RELN: variants seen among roughly 807,000 people sequenced by gnomAD.
RELN encodes reelin.
A neutral mutation model predicts 427.6 loss-of-function variants in RELN; 108 were observed. The ratio of observed to expected loss-of-function variants is 0.25; its 90% CI spans 0.22 to 0.30. The LOEUF is 0.30. RELN is among the 10% of genes least tolerant of loss of function. RELN has a pLI of 1.00. For synonymous variants in RELN, 1,524 were observed against 1,513.4 expected, an observed-to-expected ratio of 1.01 and a Z score of -0.16; for missense variants, 3,715 against 4,302.8, an observed-to-expected ratio of 0.86 and a Z score of 3.82.
chr7:103,950,221 A>G (rs1209806139), intron 1 of RELN, among the ~76,000 whole-genome samples: 1 of 152,190 alleles, frequency 6.6e-6, no homozygotes, highest in Admixed American at 6.5e-5. Flanking sequence ...TCATGGCTCA[A>G]AGGCCCTACT....
chr7:103,825,762 C>T (rs264368), intron 3 of RELN, among the ~76,000 whole-genome samples: 74,179 of 151,812 alleles, frequency 0.49, 18,415 homozygotes, highest in Admixed American at 0.58. Flanking sequence ...GTGGCTGGTA[C>T]AACTGAGGAA....
chr7:103,504,834 A>G (rs1475102672), intron 51 of RELN, among the ~76,000 whole-genome samples: 1 of 152,156 alleles, frequency 6.6e-6, no homozygotes. Context: ...CTGGCTTGAA[A>G]TTCTCGCTGC....
At chr7:103,490,891 C>T (rs1009564660) in intron 58 of RELN, 62 bp from the exon 59 acceptor site, 2 of 1,529,510 alleles carry the variant, frequency 1.3e-6, no homozygotes, top group Non-Finnish European at 1.8e-6. Flanking sequence ...CTGTTAATGT[C>T]AAGGTAATGC....
At chr7:103,946,748 G>A (rs1484320170) in intron 1 of RELN, among the ~76,000 whole-genome samples, 1 of 152,188 alleles carries the variant, frequency 6.6e-6, no homozygotes, top group Non-Finnish European at 1.5e-5. Flanking sequence ...AGGAGAACGT[G>A]ATTGTAATGC....
rs561211301 is a variant in RELN, at chr7:103,917,201, GAAAA to G, written c.227-20_227-17del. ...GAAATTGTCACTGAAATGTAAGAAA[GAAAA>G]AAAAAACTCTCAATACAGTCAGAAT... On this transcript the variant is annotated splice_polypyrimidine_tract_variant and intron_variant, in intron 1 of 64. Transcript: ENST00000428762. 1 of 1,457,226 alleles carries G rather than the reference GAAAA, an allele frequency of 6.9e-7. No individual in the cohort carries two copies. The highest frequency in any genetic ancestry group is 9.3e-7 in the Non-Finnish European group (1 of 1,070,788). The allele number at this position is 1,457,226 out of a possible 1,614,324, so 90.3% of individuals were successfully genotyped here.
chr7:103,600,712 C>G lies in RELN; in HGVS notation c.3333+2592G>C, dbSNP rs139387627. Among the ~76,000 whole-genome samples the G allele has an allele frequency of 7.6e-4, 115 of 152,122 alleles. No individual in the cohort carries two copies. In the South Asian group the frequency reaches 0.012, roughly 15 times the overall value. The stretch of plus-strand genomic sequence containing the variant: ...ATCAACAGAAAAAAGTAAAATATAA[C>G]CCAGGGATATTTTGACAAAAATTTA... On this transcript the variant is annotated intron_variant, in intron 24 of 64. Coordinates refer to ENST00000428762, the MANE Select transcript of RELN (RefSeq NM_005045.4).
At chr7:103,936,241 C>A (rs138637887) in intron 1 of RELN, among the ~76,000 whole-genome samples, 1 of 151,966 alleles carries the variant, frequency 6.6e-6, no homozygotes, top group Non-Finnish European at 1.5e-5. Context: ...AATAGGTGTG[C>A]GCCACCATGC....
chr7:103,659,080 C>T (rs951922453), intron 12 of RELN, among the ~76,000 whole-genome samples: 18 of 151,836 alleles, frequency 1.2e-4, no homozygotes, highest in African/African-American at 3.6e-4. Context: ...GGATGATTTT[C>T]GAATCTGATT....
intron 1 of RELN, among the ~76,000 whole-genome samples, chr7:103,981,786 G>A (rs1489520312): frequency 6.6e-6 from 1 of 152,218 alleles, no homozygotes; most frequent in African/African-American, 2.4e-5. Context: ...TATCATCTCC[G>A]AGCTAGAATA....
chr7:103,768,032 C>T (rs944429784), intron 4 of RELN, among the ~76,000 whole-genome samples: 1 of 152,168 alleles, frequency 6.6e-6, no homozygotes, highest in African/African-American at 2.4e-5. Flanking sequence ...GTCTCCTCTT[C>T]ACTGCAATGT....
chr7:103,572,818 A>G (rs1830913993), intron 30 of RELN, among the ~76,000 whole-genome samples: 1 of 152,198 alleles, frequency 6.6e-6, no homozygotes, highest in South Asian at 2.1e-4. Flanking sequence ...CCTTAAATCT[A>G]GTTAACACTA....
At chr7:103,496,866 A>C in intron 55 of RELN, 98 bp from the exon 56 acceptor site, 5 of 1,409,580 alleles carry the variant, frequency 3.5e-6, no homozygotes, top group Non-Finnish European at 5.0e-6. Context: ...TTCCCAAAGA[A>C]ATTTTCAGCC....
At chr7:103,894,380 C>T (rs553458991) in intron 2 of RELN, among the ~76,000 whole-genome samples, 1 of 152,230 alleles carries the variant, frequency 6.6e-6, no homozygotes, top group African/African-American at 2.4e-5. Context: ...CTAAAAGACT[C>T]CCCCAAACAA....
At chr7:103,586,975 G>A (rs1831288271) in intron 28 of RELN, among the ~76,000 whole-genome samples, 1 of 152,124 alleles carries the variant, frequency 6.6e-6, no homozygotes, top group Non-Finnish European at 1.5e-5. Context: ...ATCTACAGAT[G>A]CAATGTAATT....
intron 22 of RELN, among the ~76,000 whole-genome samples, chr7:103,607,394 C>G (rs1392014078): frequency 6.6e-6 from 1 of 152,202 alleles, no homozygotes; most frequent in East Asian, 1.9e-4. Flanking sequence ...CGTGAGAAGA[C>G]AAGGTGCAAA....
intron 2 of RELN, among the ~76,000 whole-genome samples, chr7:103,834,496 C>T (rs934725331): frequency 6.6e-6 from 1 of 152,162 alleles, no homozygotes; most frequent in Non-Finnish European, 1.5e-5. Flanking sequence ...TAGCTGTGAA[C>T]AGGTCAGCTC....
chr7:103,862,413 A>ATCGT (rs1052196812), intron 2 of RELN, among the ~76,000 whole-genome samples: 2 of 38,376 alleles, frequency 5.2e-5, no homozygotes, highest in African/African-American at 1.3e-4. Flanking sequence ...CTTTTGTTCT[A>ATCGT]TCTATCTATC....
At chr7:103,752,000 C>T (rs512529) in intron 5 of RELN, among the ~76,000 whole-genome samples, 76,915 of 151,996 alleles carry the variant, frequency 0.51, 19,604 homozygotes, top group Non-Finnish European at 0.55. Flanking sequence ...AGAAAATTAA[C>T]GCTTAAAGAT....
At position 103,989,364 on chromosome 7, in the gene RELN, C is replaced by CCGT; in HGVS notation, c.-9_-8insACG. ...CCAGCCACTGCGCTCCATGCCGCCG[C>CCGT]CGCCGCCGCCGCCGCCGCGCGCCCT... On this transcript the variant is annotated 5_prime_UTR_variant, in exon 1 of 65. Coordinates refer to ENST00000428762, the MANE Select transcript of RELN (RefSeq NM_005045.4). This position sits in a 1 kb window ranked among gnomAD's most constrained non-coding sequence, Gnocchi z 4.9. 1 of 1,415,340 alleles carries CCGT rather than the reference C, an allele frequency of 7.1e-7. No individual in the cohort carries two copies. The allele number at this position is 1,415,340 out of a possible 1,614,324, so 87.7% of individuals were successfully genotyped here.
Sources: allele counts gnomAD v4.1 joint callset (sites outside exome capture counted in the v4.1 genomes callset), GRCh38; gene constraint gnomAD v4.1.1; non-coding constraint Gnocchi (gnomAD v3.1); transcripts MANE v1.5; gene names NCBI Gene and HGNC (gene_info 2026-07-23, HGNC 2026-07-21).